Variants in GZMK observed in about 807,000 individuals in gnomAD.
GZMK encodes the protein NK-Tryp-2.
In GZMK, 18 loss-of-function variants were observed where a neutral mutation model predicts 22.8. The observed-to-expected ratio is 0.79, with a 90% confidence interval of 0.54 to 1.17. GZMK has a LOEUF of 1.17. Among genes scored for constraint, GZMK ranks in the 50% most tolerant of loss-of-function variants. GZMK has a pLI of 0.00. For synonymous variants in GZMK, 136 were observed against 115.0 expected (o/e 1.18, Z -1.17); for missense variants, 342 against 320.2 (o/e 1.07, Z -0.52).
At chr5:55,029,943 C>G (rs570450563) in intron 2 of GZMK, among the ~76,000 whole-genome samples, 97 of 152,134 alleles carry the variant, frequency 6.4e-4, no homozygotes, top group Non-Finnish European at 1.1e-3. Flanking sequence ...CAACAATATA[C>G]ATGTCCTTCA....
In GZMK at chr5:55,030,418, T is replaced by G; in HGVS notation, c.213-16T>G. The G allele has an allele frequency of 6.2e-7, 1 of 1,612,140 alleles. No individual in the cohort carries two copies. The highest frequency in any genetic ancestry group is 8.5e-7 in the Non-Finnish European group (1 of 1,179,088). On this transcript the variant is annotated splice_polypyrimidine_tract_variant and intron_variant, in intron 2 of 4. Transcript: ENST00000231009. ...GGAAATCATTCTGCTGCTTTCATTG[T>G]CTTTGCTTTTTTTAGGTTTACCAAA...
In GZMK at chr5:55,032,090, G is replaced by A. The variant is rs780387798; in HGVS notation, c.633+457G>A. 3.8e-4 allele frequency among the ~76,000 whole-genome samples: 58 copies of A among 152,156 alleles called. 1 individual carries two copies. The highest frequency in any genetic ancestry group is 1.3e-4 in the Non-Finnish European group (9 of 68,032). On this transcript the variant is annotated intron_variant, in intron 4 of 4. Transcript: ENST00000231009. ...TAATGCTGACTGACTGTCTTCGTCT[G>A]TTTGGGCTGCTACCACAAAATACCA...
chr5:55,034,516 TTAAATATAAATCA>T lies in GZMK; in HGVS notation c.*602_*614del, dbSNP rs1741286529. On this transcript the variant is annotated 3_prime_UTR_variant, in exon 5 of 5. Transcript: ENST00000231009. Reference sequence around the variant, plus strand: ...CTAAGCTTCTATGAGTTTGTATTTTTTAAATATAAATCATAAATATAAATATCCTAATTCAAGC... The same window carrying T: ...CTAAGCTTCTATGAGTTTGTATTTTTTAAATATAAATATCCTAATTCAAGC... 6.6e-6 allele frequency: 1 copy of T among 152,210 alleles called. No homozygotes were observed. Among genetic ancestry groups the T allele is most frequent in the Non-Finnish European group, 1.5e-5 (1 of 68,042 alleles). 9.4% of individuals were successfully genotyped at this position (152,210 alleles called of 1,614,324 possible).
intron 3 of GZMK, 104 bp from the exon 4 acceptor site, chr5:55,031,260 A>C: frequency 1.1e-6 from 1 of 939,358 alleles, no homozygotes; most frequent in Non-Finnish European, 1.6e-6. Context: ...AGATCCCAGA[A>C]CAGGGACGCC....
At chr5:55,028,122 T>C (rs547999577) in intron 2 of GZMK, 1 of 152,314 alleles carries the variant, frequency 6.6e-6, no homozygotes, top group South Asian at 2.1e-4. Flanking sequence ...AGGCAATAAC[T>C]AGCCGAGTAA....
chr5:55,033,049 G>T (rs1036280939), intron 4 of GZMK, among the ~76,000 whole-genome samples: 2 of 152,180 alleles, frequency 1.3e-5, no homozygotes, highest in Admixed American at 1.3e-4. Flanking sequence ...CAAAGAGAAA[G>T]GCTGGTCTTC....
chr5:55,027,862 T>G (rs1741163476), intron 2 of GZMK, among the ~76,000 whole-genome samples: 1 of 152,198 alleles, frequency 6.6e-6, no homozygotes, highest in Admixed American at 6.5e-5. Context: ...TCCTGTGCTG[T>G]GCAACTGAAA....
At chr5:55,029,001 G>A (rs1263217033) in intron 2 of GZMK, among the ~76,000 whole-genome samples, 3 of 152,164 alleles carry the variant, frequency 2.0e-5, no homozygotes, top group Non-Finnish European at 4.4e-5. Flanking sequence ...TTGGGAGGCT[G>A]AGGCCAGTAG....
At chr5:55,029,083 A>AAATTAGCCGCCAC (rs1741180882) in intron 2 of GZMK, among the ~76,000 whole-genome samples, 1 of 152,080 alleles carries the variant, frequency 6.6e-6, no homozygotes, top group Non-Finnish European at 1.5e-5. Context: ...AAAAATACAA[A>AAATTAGCCGCCAC]AATTAGCCAG....
intron 1 of GZMK, 77 bp from the exon 2 acceptor site, chr5:55,024,583 A>T: frequency 9.4e-7 from 1 of 1,062,202 alleles, no homozygotes; most frequent in South Asian, 1.5e-5. Context: ...AAAATAATAT[A>T]GTGACTGTCA....
chr5:55,027,137 GA>G (rs1454437693), intron 2 of GZMK: 1 of 152,202 alleles, frequency 6.6e-6, no homozygotes, highest in East Asian at 1.9e-4. Context: ...ATAAAATGGG[GA>G]TTGTCATAAT....
At chr5:55,032,604 C>T (rs111925269) in intron 4 of GZMK, 28,046 of 151,992 alleles carry the variant, frequency 0.18, 3,088 homozygotes, top group South Asian at 0.35. Context: ...TGGTGGCACA[C>T]GCCTGTAGTC....
In GZMK at chr5:55,033,993, G is replaced by C; in HGVS notation, c.*67G>C. The C allele has an allele frequency of 7.5e-7, 1 of 1,339,666 alleles. No individual in the cohort carries two copies. The highest frequency in any genetic ancestry group is 1.0e-6 in the Non-Finnish European group (1 of 960,420). 83.0% of individuals were successfully genotyped at this position (1,339,666 alleles called of 1,614,324 possible). On this transcript the variant is annotated 3_prime_UTR_variant, in exon 5 of 5. Coordinates refer to ENST00000231009, the MANE Select transcript of GZMK (RefSeq NM_002104.3). ...TAATATGCTCGCAGGTTAGAGTTGG[G>C]TGTAAGTAAAGCAGAGCACATATGG...
chr5:55,031,616 C>A lies in GZMK; in HGVS notation c.616C>A (p.Gln206Lys), dbSNP rs1191691732. The A allele has an allele frequency of 6.2e-7, 1 of 1,613,120 alleles. No individual in the cohort carries two copies. Among genetic ancestry groups the A allele is most frequent in the Non-Finnish European group, 8.5e-7 (1 of 1,179,314 alleles). ...GGTCTGTGCAGGAGATGCCAAAGGC[C>A]AGAAGGATTCCTGTAAGGTAAGAAT... is the stretch of plus-strand genomic sequence containing the variant. ...DMVCAGDAKG[Q>K]KDSCKGDSGG... Residue 206 changes from glutamine (Q) to lysine (K), a missense_variant, in exon 4 of 5, where the codon CAG becomes AAG. By Grantham distance (53) the Gln-to-Lys change is moderately conservative. Transcript: ENST00000231009.
At chr5:55,033,638 C>T in intron 4 of GZMK, 127 bp from the exon 5 acceptor site, 2 of 649,292 alleles carry the variant, frequency 3.1e-6, no homozygotes, top group South Asian at 2.2e-5. Flanking sequence ...GTGTCAGACA[C>T]TCTTCTGGAC....
At chr5:55,029,691 G>A (rs1354235501) in intron 2 of GZMK, among the ~76,000 whole-genome samples, 1 of 152,156 alleles carries the variant, frequency 6.6e-6, no homozygotes, top group Non-Finnish European at 1.5e-5. Context: ...CTGTAGGCAT[G>A]CACCACCATG....
chr5:55,032,613 T>TC (rs1421762192), intron 4 of GZMK: 1 of 152,210 alleles, frequency 6.6e-6, no homozygotes, highest in East Asian at 1.9e-4. Context: ...ACGCCTGTAG[T>TC]CCCACCTACT....
intron 3 of GZMK, among the ~76,000 whole-genome samples, chr5:55,030,987 C>T (rs1372954715): frequency 2.0e-5 from 3 of 152,330 alleles, no homozygotes; most frequent in Admixed American, 2.0e-4. Flanking sequence ...GTCTAGACCA[C>T]ACTTAATTTA....
chr5:55,026,431 A>G (rs1265400306), intron 2 of GZMK, among the ~76,000 whole-genome samples: 3 of 149,848 alleles, frequency 2.0e-5, no homozygotes, highest in Non-Finnish European at 3.0e-5. Flanking sequence ...TTTTTTTCTT[A>G]AAACAAACTA....
Sources: gnomAD v4.1 joint callset for allele counts (sites outside exome capture counted in the v4.1 genomes callset) on GRCh38, gnomAD v4.1.1 for gene constraint, MANE v1.5 for transcripts, NCBI Gene and HGNC (gene_info 2026-07-23, HGNC 2026-07-21) for gene names.